Variants in MGAT5 observed in about 807,000 individuals in gnomAD.
The protein encoded by MGAT5 is alpha-1,6-mannosylglycoprotein 6-beta-N-acetylglucosaminyltransferase.
A neutral mutation model predicts 94.3 loss-of-function variants in MGAT5; 30 were observed. The ratio of observed to expected loss-of-function variants is 0.32; its 90% CI spans 0.24 to 0.43. The LOEUF is 0.43. Ranked by LOEUF, MGAT5 falls within the 20% of genes least tolerant of loss-of-function variation. The pLI, the probability that MGAT5 is intolerant of heterozygous loss-of-function variation, is 1.00. For synonymous variants in MGAT5, 310 were observed against 322.9 expected, an observed-to-expected ratio of 0.96 and a Z score of 0.43; for missense variants, 691 against 905.5, an observed-to-expected ratio of 0.76 and a Z score of 3.04.
intron 1 of MGAT5, among the ~76,000 whole-genome samples, chr2:134,149,095 T>G (rs1262554082): frequency 1.3e-5 from 2 of 152,094 alleles, no homozygotes; most frequent in Non-Finnish European, 2.9e-5. Context: ...GGGAGCTTTA[T>G]CCCTCCAGGC....
intron 15 of MGAT5, among the ~76,000 whole-genome samples, chr2:134,447,015 AAGAC>A (rs933574587): frequency 6.6e-6 from 1 of 152,224 alleles, no homozygotes; most frequent in Non-Finnish European, 1.5e-5. Flanking sequence ...TAGCTAGAGA[AAGAC>A]AGGGCAGGAG....
intron 9 of MGAT5, among the ~76,000 whole-genome samples, chr2:134,360,275 C>T (rs1243269680): frequency 1.3e-5 from 2 of 152,194 alleles, no homozygotes; most frequent in Non-Finnish European, 2.9e-5. Flanking sequence ...ACAAGTTTTT[C>T]TGATATTTGC....
intron 1 of MGAT5, among the ~76,000 whole-genome samples, chr2:134,144,810 G>A (rs1352015483): frequency 2.6e-5 from 4 of 152,134 alleles, no homozygotes; most frequent in African/African-American, 7.2e-5. Flanking sequence ...TGGCTTGGAC[G>A]GCTGCTGGGT....
chr2:134,391,462 G>A (rs923719545), intron 10 of MGAT5, among the ~76,000 whole-genome samples: 1 of 152,210 alleles, frequency 6.6e-6, no homozygotes, highest in African/African-American at 2.4e-5. Flanking sequence ...GAGGCTGAAA[G>A]TCTGAGATCA....
chr2:134,254,455 C>T lies in MGAT5; in HGVS notation c.52C>T (p.Leu18=), dbSNP rs777389323. ...GTCCTCTCAGAAGCTGGGCTTTTTCCTGGTGACTTTTGGCTTCATTTGGGG... is the reference window on the plus strand; with the variant it reads ...GTCCTCTCAGAAGCTGGGCTTTTTCTTGGTGACTTTTGGCTTCATTTGGGG... The part of the protein sequence containing the change: ...KLSSQKLGFF[L]VTFGFIWGMM... The change falls in exon 1 of 16, where the codon CTG becomes TTG. Residue 18 remains leucine, a synonymous_variant. Coordinates refer to ENST00000281923, the MANE Select transcript of MGAT5 (RefSeq NM_002410.5). 3.7e-6 allele frequency: 6 copies of T among 1,614,084 alleles called. No homozygotes were observed. The South Asian group carries it at 5.5e-5, about 15-fold the overall frequency.
chr2:134,255,127 G>C (rs1682855808), intron 1 of MGAT5, among the ~76,000 whole-genome samples: 1 of 152,172 alleles, frequency 6.6e-6, no homozygotes, highest in Admixed American at 6.5e-5. Flanking sequence ...GCACTTGCAT[G>C]CTGGTGAGTT....
chr2:134,347,970 C>T (rs1295947142), intron 8 of MGAT5, among the ~76,000 whole-genome samples: 1 of 152,148 alleles, frequency 6.6e-6, no homozygotes, highest in Non-Finnish European at 1.5e-5. Flanking sequence ...TGGAGCATTC[C>T]CCAGCCCCAC....
At chr2:134,257,578 G>A (rs541296504) in intron 1 of MGAT5, among the ~76,000 whole-genome samples, 2 of 152,246 alleles carry the variant, frequency 1.3e-5, no homozygotes, top group Admixed American at 6.5e-5. Flanking sequence ...TCCAGTTCTG[G>A]CACCAACAAT....
intron 10 of MGAT5, among the ~76,000 whole-genome samples, chr2:134,371,211 T>C (rs931341095): frequency 2.0e-5 from 3 of 152,196 alleles, no homozygotes; most frequent in African/African-American, 7.2e-5. Context: ...ACGTGTCCTC[T>C]GAAGTCATTT....
intron 1 of MGAT5, among the ~76,000 whole-genome samples, chr2:134,241,369 G>C (rs1681964442): frequency 6.6e-6 from 1 of 152,210 alleles, no homozygotes; most frequent in Non-Finnish European, 1.5e-5. Flanking sequence ...TAAACTCTTT[G>C]ATTTGTTTTG....
chr2:134,305,369 C>T (rs1013164560), intron 2 of MGAT5, among the ~76,000 whole-genome samples: 13 of 152,254 alleles, frequency 8.5e-5, no homozygotes, highest in Admixed American at 1.3e-4. Context: ...AGCTATAAGA[C>T]GCTTGTGACA....
At chr2:134,359,446 G>A (rs1573910976) in intron 9 of MGAT5, among the ~76,000 whole-genome samples, 2 of 152,302 alleles carry the variant, frequency 1.3e-5, no homozygotes, top group African/African-American at 2.4e-5. Context: ...CATGTTACAC[G>A]GTTATGAGGT....
intron 1 of MGAT5, among the ~76,000 whole-genome samples, chr2:134,236,232 G>T (rs1681632122): frequency 6.6e-6 from 1 of 152,174 alleles, no homozygotes; most frequent in South Asian, 2.1e-4. Context: ...TGCAGGCAGT[G>T]GTTCCAGGAA....
At chr2:134,353,174 C>A (rs6713786) in intron 9 of MGAT5, among the ~76,000 whole-genome samples, 109,892 of 151,992 alleles carry the variant, frequency 0.72, 40,264 homozygotes, top group South Asian at 0.83. Context: ...AAGATGGTAA[C>A]TTTAGTGTTA....
At position 134,453,579 on chromosome 2, in the gene MGAT5, A is replaced by G. The variant is rs1380407661; in HGVS notation, c.*4732A>G. On this transcript the variant is annotated 3_prime_UTR_variant, in exon 16 of 16. Coordinates refer to ENST00000281923, the MANE Select transcript of MGAT5 (RefSeq NM_002410.5). ...GGAGAAGGAATGACCAATTGAACTT[A>G]CACATTCCCCAGGCAGGTCCCTTTG... 1 of 152,252 alleles carries G rather than the reference A, an allele frequency of 6.6e-6. No homozygotes were observed. The highest frequency in any genetic ancestry group is 1.5e-5 in the Non-Finnish European group (1 of 68,052). The allele number at this position is 152,252 out of a possible 1,614,324, so 9.4% of individuals were successfully genotyped here. A position where few individuals can be genotyped will look rare whatever the true frequency, so the allele number is the denominator to read the frequency against.
intron 1 of MGAT5, among the ~76,000 whole-genome samples, chr2:134,147,770 T>C (rs911743064): frequency 7.9e-5 from 12 of 152,200 alleles, no homozygotes; most frequent in Non-Finnish European, 1.6e-4. Context: ...GATGGCATCC[T>C]GTCCTCCTCC....
intron 4 of MGAT5, among the ~76,000 whole-genome samples, chr2:134,327,388 C>G (rs890827807): frequency 6.6e-6 from 1 of 152,092 alleles, no homozygotes; most frequent in Non-Finnish European, 1.5e-5. Context: ...TTGCCAGCAT[C>G]ATTACTCTTG....
Position 134,450,599 on chromosome 2 carries a change from G to A in MGAT5, c.*1752G>A, listed in dbSNP as rs1686045399. The A allele has an allele frequency of 1.3e-5, 2 of 151,272 alleles. No individual in the cohort carries two copies. Among genetic ancestry groups the A allele is most frequent in the South Asian group, 2.1e-4 (1 of 4,798 alleles). The allele number at this position is 151,272 out of a possible 1,614,324, so 9.4% of individuals were successfully genotyped here. On this transcript the variant is annotated 3_prime_UTR_variant, in exon 16 of 16. Coordinates refer to ENST00000281923, the MANE Select transcript of MGAT5 (RefSeq NM_002410.5). ...ATTGTATCTCCAGTCTAAGAGGAGG[G>A]TGGGGGGCACCCGGGGCCTCCTCCA...
intron 1 of MGAT5, among the ~76,000 whole-genome samples, chr2:134,221,031 T>TTTGTG (rs1479495761): frequency 6.6e-6 from 1 of 152,180 alleles, no homozygotes; most frequent in Non-Finnish European, 1.5e-5. Flanking sequence ...GGATAACAGT[T>TTTGTG]GAGAGCCCCA....
Sources: allele counts gnomAD v4.1 joint callset (sites outside exome capture counted in the v4.1 genomes callset), GRCh38; gene constraint gnomAD v4.1.1; transcripts MANE v1.5; gene names NCBI Gene and HGNC (gene_info 2026-07-23, HGNC 2026-07-21).